The following MSS51 variants were observed in gnomAD, a reference collection of about 807,000 sequenced individuals.
The protein encoded by MSS51 is putative protein MSS51 homolog, mitochondrial.
MSS51 carries 32 observed loss-of-function variants against 40.2 expected under a neutral mutation model. That is an observed-to-expected ratio of 0.80 (90% CI 0.60 to 1.07). The LOEUF (loss-of-function observed/expected upper bound fraction) is 1.07, where lower values mean the gene tolerates loss of function less well. MSS51 is among the 50% of genes least tolerant of loss of function. MSS51 has a pLI of 0.00. For missense variants in MSS51, 518 were observed against 568.9 expected, an observed-to-expected ratio of 0.91 and a Z score of 0.91; for synonymous variants, 178 against 214.2, an observed-to-expected ratio of 0.83 and a Z score of 1.48.
intron 1 of MSS51, among the ~76,000 whole-genome samples, chr10:73,429,433 TAGAC>T (rs2056012605): frequency 6.6e-6 from 1 of 152,210 alleles, no homozygotes; most frequent in Non-Finnish European, 1.5e-5. Flanking sequence ...ATTGGAGAGT[TAGAC>T]AGTTTAATAT....
chr10:73,424,422 G>C lies in MSS51; in HGVS notation c.*131C>G, dbSNP rs2055965131. ...TATGTTATACAGAAACTCTCATTCA[G>C]CTTAGAATTTTTACCCAAACAGTAA... On this transcript the variant is annotated 3_prime_UTR_variant, in exon 7 of 7. Transcript: ENST00000299432. The C allele has an allele frequency of 1.1e-5, 8 of 717,982 alleles. No individual in the cohort carries two copies. The highest frequency in any genetic ancestry group is 2.4e-5 in the Admixed American group (1 of 41,954). The allele number at this position is 717,982 out of a possible 1,614,324, so 44.5% of individuals were successfully genotyped here. A position where few individuals can be genotyped will look rare whatever the true frequency, so the allele number is the denominator to read the frequency against.
chr10:73,430,719 CA>C (rs2056022669), intron 1 of MSS51, among the ~76,000 whole-genome samples: 2 of 151,942 alleles, frequency 1.3e-5, no homozygotes, highest in African/African-American at 4.8e-5. Context: ...GGCAGTTCCC[CA>C]AAAAGTTAAC....
chr10:73,426,494 C>G, intron 4 of MSS51, 113 bp downstream of exon 4: 1 of 1,586,294 alleles, frequency 6.3e-7, no homozygotes, highest in African/African-American at 1.3e-5. Context: ...GCAGGCGTGC[C>G]CCATCCTTTG....
Position 73,424,541 on chromosome 10 carries a change from G to A in MSS51, c.*12C>T. ...AAACTCCCCGTTTTCCAGATGTCCA[G>A]TTATGATCTATTTAAATCCCGCCGT... On this transcript the variant is annotated 3_prime_UTR_variant, in exon 7 of 7. Coordinates refer to ENST00000299432, the MANE Select transcript of MSS51 (RefSeq NM_001024593.2). The A allele has an allele frequency of 6.2e-7, 1 of 1,600,456 alleles. No homozygotes were observed. Among genetic ancestry groups the A allele is most frequent in the East Asian group, 2.2e-5 (1 of 44,802 alleles).
chr10:73,428,643 G>T (rs1281377710), intron 1 of MSS51, among the ~76,000 whole-genome samples: 3 of 151,768 alleles, frequency 2.0e-5, no homozygotes, highest in Admixed American at 2.0e-4. Context: ...GCGCCACCAG[G>T]CCCGGCTAAT....
chr10:73,430,003 T>C (rs1055107617), intron 1 of MSS51, among the ~76,000 whole-genome samples: 1 of 152,152 alleles, frequency 6.6e-6, no homozygotes, highest in East Asian at 1.9e-4. Context: ...TGGGAATACT[T>C]TGAATACTTG....
chr10:73,425,710 GT>G, intron 5 of MSS51, 100 bp downstream of exon 5: 1 of 943,036 alleles, frequency 1.1e-6, no homozygotes, highest in Non-Finnish European at 1.6e-6. Context: ...ATCATATTGT[GT>G]TTAATGAGAC....
chr10:73,425,304 TATCATCATC>T, intron 5 of MSS51, 113 bp from the exon 6 acceptor site: 1 of 640,450 alleles, frequency 1.6e-6, no homozygotes, highest in Non-Finnish European at 2.7e-6. Flanking sequence ...CCCCAGTCAT[TATCATCATC>T]ATCATCATCC....
Position 73,424,289 on chromosome 10 carries a change from A to C in MSS51, c.*264T>G, listed in dbSNP as rs936396291. 1 of 379,746 alleles carries C rather than the reference A, an allele frequency of 2.6e-6. No individual in the cohort carries two copies. Among genetic ancestry groups the C allele is most frequent in the African/African-American group, 2.1e-5 (1 of 48,532 alleles). 23.5% of individuals were successfully genotyped at this position (379,746 alleles called of 1,614,324 possible). ...CTACTAGGGAGGCTGAGGCAGGAGA[A>C]CCACTTGAACCCAGGAGGCGGAGGC... On this transcript the variant is annotated 3_prime_UTR_variant, in exon 7 of 7. Coordinates refer to ENST00000299432, the MANE Select transcript of MSS51 (RefSeq NM_001024593.2).
rs2056011439 is a variant in MSS51, at chr10:73,429,220, A to AATC, written c.-17-920_-17-919insGAT. On this transcript the variant is annotated intron_variant, in intron 1 of 6. Transcript: ENST00000299432. Reference sequence around the variant, plus strand: ...AAACTCTGTCTCAAAAAAAAAAGAAAACTGGTAACAGTGATTAACTCTGAA... The same window carrying AATC: ...AAACTCTGTCTCAAAAAAAAAAGAAAATCACTGGTAACAGTGATTAACTCTGAA... Among the ~76,000 whole-genome samples the AATC allele has an allele frequency of 3.9e-5, 6 of 152,180 alleles. No individual in the cohort carries two copies. In the South Asian group the frequency reaches 1.2e-3, roughly 31 times the overall value.
At chr10:73,427,571 G>C (rs1310714479) in intron 3 of MSS51, 42 bp downstream of exon 3, 4 of 1,566,944 alleles carry the variant, frequency 2.6e-6, no homozygotes, top group Non-Finnish European at 3.5e-6. Context: ...GCTAATACAG[G>C]ATCATTTCTG....
chr10:73,431,083 A>T (rs1589675771), intron 1 of MSS51, among the ~76,000 whole-genome samples: 3 of 152,272 alleles, frequency 2.0e-5, no homozygotes, highest in African/African-American at 7.2e-5. Flanking sequence ...GAATAGGTAA[A>T]CCCAGAGACA....
At chr10:73,429,995 G>A (rs936662070) in intron 1 of MSS51, among the ~76,000 whole-genome samples, 2 of 152,048 alleles carry the variant, frequency 1.3e-5, no homozygotes, top group Non-Finnish European at 2.9e-5. Flanking sequence ...TTGAAAGATG[G>A]GAATACTTTG....
At position 73,426,663 on chromosome 10, in the gene MSS51, C is replaced by A; in HGVS notation, c.446G>T (p.Cys149Phe). 1 of 1,614,238 alleles carries A rather than the reference C, an allele frequency of 6.2e-7. No homozygotes were observed. Among genetic ancestry groups the A allele is most frequent in the Non-Finnish European group, 8.5e-7 (1 of 1,180,048 alleles). Residue 149 changes from cysteine to phenylalanine, a missense_variant, in exon 4 of 7, where the codon TGT becomes TTT. By Grantham distance (205) the Cys-to-Phe change is radical (BLOSUM62 -2). Transcript: ENST00000299432. ...CACAGCCACAAGACGAAGCTCTTGA[C>A]AAACCCTCCTGTGTGCGGGCCAGTC... Reference protein sequence around the residue: ...KSDWPAHRRVCQELRLVAVDR... With the variant: ...KSDWPAHRRVFQELRLVAVDR...
At chr10:73,430,171 G>A (rs1262740314) in intron 1 of MSS51, among the ~76,000 whole-genome samples, 1 of 152,088 alleles carries the variant, frequency 6.6e-6, no homozygotes, top group East Asian at 1.9e-4. Flanking sequence ...AAGTCTATGG[G>A]GAAAGGTTCA....
rs2055983569 is a variant in MSS51 at position 73,425,939 on chromosome 10, G to C, written c.941C>G (p.Ser314Ter). 1.2e-6 allele frequency: 2 copies of C among 1,614,180 alleles called. No homozygotes were observed. The highest frequency in any genetic ancestry group is 1.7e-6 in the Non-Finnish European group (2 of 1,180,038). The change falls in exon 5 of 7, where the codon TCA becomes TGA. Residue 314 changes from serine to a stop codon, truncating the protein, a stop_gained. Coordinates refer to ENST00000299432, the MANE Select transcript of MSS51 (RefSeq NM_001024593.2). LOFTEE classifies it high-confidence loss of function. ...TGTGCCAGGTTCCAGGGGTGAAGTTGAGGTGCTCTGTGAAAAGCCAGTAGC... is the reference window on the plus strand; with the variant it reads ...TGTGCCAGGTTCCAGGGGTGAAGTTCAGGTGCTCTGTGAAAAGCCAGTAGC... ...DVATGFSQST[S>*]TSPLEPGTIQ...
chr10:73,426,044 C>A lies in MSS51; in HGVS notation c.836G>T (p.Arg279Leu), dbSNP rs778746494. The A allele has an allele frequency of 1.5e-5, 25 of 1,614,052 alleles. 1 individual carries two copies. The South Asian group carries it at 2.7e-4, about 18-fold the overall frequency. ...GASHVETFLT[R>L]PGDYDELGYM... is the part of the protein sequence containing the mutation. The stretch of plus-strand genomic sequence containing the variant: ...ACCAAGCTCATCATAGTCCCCTGGG[C>A]GAGTAAGAAATGTCTCCACATGGGA... The change falls in exon 5 of 7, where the codon CGC (arginine) becomes CTC (leucine). Residue 279 changes from arginine (R) to leucine (L), a missense_variant. By Grantham distance (102) the Arg-to-Leu change is moderately radical (BLOSUM62 -2). Transcript: ENST00000299432.
In MSS51 at chr10:73,424,990, A is replaced by G; in HGVS notation, c.1163+108T>C. The stretch of plus-strand genomic sequence containing the variant: ...ATAAAAAAGCCATATGCGGAAAAGA[A>G]CATCCTCACCAGAAGGTAGATGAGC... On this transcript the variant is annotated intron_variant, in intron 6 of 6. Transcript: ENST00000299432. 5.5e-6 allele frequency: 5 copies of G among 911,128 alleles called. No individual in the cohort carries two copies. In the South Asian group the frequency reaches 7.1e-5, roughly 13 times the overall value. The allele number at this position is 911,128 out of a possible 1,614,324, so 56.4% of individuals were successfully genotyped here.
rs1157541605 is a variant in MSS51 at position 73,426,633 on chromosome 10, C to T, written c.476G>A (p.Arg159His). The change falls in exon 4 of 7, where the codon CGT becomes CAT. Residue 159 changes from arginine to histidine, a missense_variant. Arg to His is a conservative substitution (Grantham distance 29, BLOSUM62 0). Coordinates refer to ENST00000299432, the MANE Select transcript of MSS51 (RefSeq NM_001024593.2). ...TGTGACCAGAAGCCATTCCATGAGA[C>T]GGTCCACAGCCACAAGACGAAGCTC... The part of the protein sequence containing the change: ...CQELRLVAVD[R>H]LMEWLLVTGD... The T allele has an allele frequency of 9.9e-6, 16 of 1,614,116 alleles. No homozygotes were observed. The East Asian group carries it at 1.6e-4, about 16-fold the overall frequency.
Sources: allele counts gnomAD v4.1 joint callset (sites outside exome capture counted in the v4.1 genomes callset), GRCh38; gene constraint gnomAD v4.1.1; transcripts MANE v1.5; gene names NCBI Gene and HGNC (gene_info 2026-07-23, HGNC 2026-07-21).